SVOPL: variants seen among roughly 807,000 people sequenced by gnomAD.
SVOPL encodes putative transporter SVOPL.
A neutral mutation model predicts 61.0 loss-of-function variants in SVOPL; 60 were observed. That is an observed-to-expected ratio of 0.98 (90% CI 0.80 to 1.22). SVOPL has a LOEUF of 1.22. Among genes scored for constraint, SVOPL ranks in the 50% most tolerant of loss-of-function variants. The probability of loss-of-function intolerance (pLI) is 0.00; values close to 1 mark genes in which losing one functional copy is unlikely to be tolerated. For missense variants in SVOPL, 662 were observed against 643.9 expected (o/e 1.03, Z -0.30); for synonymous variants, 279 against 250.0 (o/e 1.12, Z -1.09).
At chr7:138,630,023 T>C (rs1584803351) in intron 10 of SVOPL, 26 bp downstream of exon 10, 2 of 1,592,650 alleles carry the variant, frequency 1.3e-6, no homozygotes, top group Non-Finnish European at 1.7e-6. Flanking sequence ...TATTTAAAAC[T>C]AGCTTTGAAA....
At chr7:138,687,461 C>T (rs1274951894) in intron 1 of SVOPL, among the ~76,000 whole-genome samples, 1 of 151,516 alleles carries the variant, frequency 6.6e-6, no homozygotes, top group Admixed American at 6.6e-5. Flanking sequence ...GTCTCAAACT[C>T]CTGACCTCAG....
intron 13 of SVOPL, among the ~76,000 whole-genome samples, chr7:138,622,499 G>T (rs1422262663): frequency 6.6e-6 from 1 of 151,538 alleles, no homozygotes; most frequent in East Asian, 1.9e-4. Flanking sequence ...CGGGCGGGGG[G>T]TCTCTCCAAG....
chr7:138,671,110 G>A (rs750217337), intron 4 of SVOPL, among the ~76,000 whole-genome samples: 4 of 152,066 alleles, frequency 2.6e-5, no homozygotes, highest in Non-Finnish European at 5.9e-5. Context: ...GTTTATATGT[G>A]TTTGGCCCAA....
At chr7:138,646,439 T>C (rs1354773461) in intron 8 of SVOPL, 1 of 180,056 alleles carries the variant, frequency 5.6e-6, no homozygotes, top group Non-Finnish European at 1.2e-5. Flanking sequence ...TTTCCCTTTG[T>C]GTAGGTCATT....
At chr7:138,680,803 C>T (rs1802685167) in intron 1 of SVOPL, among the ~76,000 whole-genome samples, 2 of 152,046 alleles carry the variant, frequency 1.3e-5, no homozygotes, top group African/African-American at 4.8e-5. Flanking sequence ...TGGTCTCGAT[C>T]TCCTGACCTT....
chr7:138,600,980 G>A (rs889569161), intron 14 of SVOPL, among the ~76,000 whole-genome samples: 31 of 152,178 alleles, frequency 2.0e-4, no homozygotes, highest in East Asian at 5.8e-4. Context: ...GGCCGGGCGC[G>A]GTGGCTCACA....
At position 138,644,716 on chromosome 7, in the gene SVOPL, C is replaced by G; in HGVS notation, c.789+1G>C. The G allele has an allele frequency of 6.2e-7, 1 of 1,614,000 alleles. No homozygotes were observed. The highest frequency in any genetic ancestry group is 8.5e-7 in the Non-Finnish European group (1 of 1,179,958). On this transcript the variant is annotated splice_donor_variant, in intron 9 of 15. Coordinates refer to ENST00000674285, the MANE Select transcript of SVOPL (RefSeq NM_001139456.2). LOFTEE classifies it high-confidence loss of function. ...AGAAGACCTCGGGGGCCAGCACTCA[C>G]CAGGACGGGCTCCACCAGCTTCCCC...
intron 14 of SVOPL, among the ~76,000 whole-genome samples, chr7:138,611,898 C>G (rs544830598): frequency 1.4e-4 from 4 of 29,406 alleles, no homozygotes; most frequent in African/African-American, 1.7e-4. Context: ...GGAGGTGTGC[C>G]CAACAGCTCA....
At chr7:138,624,099 C>T (rs189222121) in intron 13 of SVOPL, among the ~76,000 whole-genome samples, 3 of 152,282 alleles carry the variant, frequency 2.0e-5, no homozygotes, top group East Asian at 1.9e-4. Flanking sequence ...GGATTACAGG[C>T]GTGAGCCACT....
chr7:138,602,443 A>C lies in SVOPL; in HGVS notation c.1354-5913T>G, dbSNP rs566201119. On this transcript the variant is annotated intron_variant, in intron 14 of 15. Coordinates refer to ENST00000674285, the MANE Select transcript of SVOPL (RefSeq NM_001139456.2). ...TTATTAGTGAGAAAAGGCAGTTGCT[A>C]TATATATATATATATATATATATAT... is the stretch of plus-strand genomic sequence containing the variant. Among the ~76,000 whole-genome samples the C allele has an allele frequency of 4.8e-3, 20 of 4,206 alleles. No individual in the cohort carries two copies. The South Asian group carries it at 0.13, about 28-fold the overall frequency. The allele number at this position is 4,206 out of a possible 152,430, so 2.8% of individuals were successfully genotyped here. A position where few individuals can be genotyped will look rare whatever the true frequency, so the allele number is the denominator to read the frequency against.
In SVOPL at chr7:138,603,408, G is replaced by A. The variant is rs546075103; in HGVS notation, c.1354-6878C>T. 9.8e-5 allele frequency among the ~76,000 whole-genome samples: 15 copies of A among 152,336 alleles called. No homozygotes were observed. The South Asian group carries it at 3.1e-3, about 32-fold the overall frequency. On this transcript the variant is annotated intron_variant, in intron 14 of 15. Transcript: ENST00000674285. ...TTTAAGATCAGCTAAAGCAGGCCGG[G>A]TGCGGTGGCTCATGCCTGTAATCCC...
chr7:138,696,418 G>T (rs1032297680), intron 1 of SVOPL, among the ~76,000 whole-genome samples: 3 of 149,716 alleles, frequency 2.0e-5, no homozygotes, highest in Admixed American at 6.7e-5. Context: ...GTTGTTGTTT[G>T]TTGTTGTTGT....
chr7:138,678,493 C>G lies in SVOPL; in HGVS notation c.115G>C (p.Glu39Gln). 1 of 1,552,168 alleles carries G rather than the reference C, an allele frequency of 6.4e-7. No homozygotes were observed. The highest frequency in any genetic ancestry group is 8.7e-7 in the Non-Finnish European group (1 of 1,147,090). The stretch of plus-strand genomic sequence containing the variant: ...TGGAAACGCCCGAAGCCGATAGTCT[C>G]CACTGCATCTTCCACGGTGAACGTC... ...PKTFTVEDAV[E>Q]TIGFGRFHIA... Residue 39 changes from glutamate to glutamine, a missense_variant, in exon 3 of 16, where the codon GAG (glutamate) becomes CAG (glutamine). Coordinates refer to ENST00000674285, the MANE Select transcript of SVOPL (RefSeq NM_001139456.2).
intron 14 of SVOPL, among the ~76,000 whole-genome samples, chr7:138,611,603 T>C (rs892751327): frequency 3.8e-4 from 58 of 152,148 alleles, no homozygotes; most frequent in African/African-American, 7.7e-4. Context: ...TGATTTTTTT[T>C]CCCCATGCTT....
chr7:138,672,239 T>C (rs1487921194), intron 3 of SVOPL, 122 bp from the exon 4 acceptor site: 2 of 830,256 alleles, frequency 2.4e-6, no homozygotes, highest in Non-Finnish European at 1.9e-6. Context: ...TCAGGGAGGA[T>C]CTATTGTATA....
chr7:138,685,957 G>A (rs1238629581), intron 1 of SVOPL, among the ~76,000 whole-genome samples: 1 of 152,088 alleles, frequency 6.6e-6, no homozygotes, highest in Non-Finnish European at 1.5e-5. Flanking sequence ...GGTGGTGATG[G>A]TTTCACAGTG....
chr7:138,644,869 T>A (rs761731031), intron 8 of SVOPL, 24 bp from the exon 9 acceptor site: 6 of 1,613,984 alleles, frequency 3.7e-6, no homozygotes. Context: ...ACAAAGAACA[T>A]CAGAGTGGCC....
intron 1 of SVOPL, among the ~76,000 whole-genome samples, chr7:138,686,561 G>GT (rs1802820186): frequency 1.5e-5 from 2 of 131,266 alleles, no homozygotes; most frequent in African/African-American, 3.5e-5. Flanking sequence ...TTGTTTTTTG[G>GT]GTTTTTTTTT....
intron 9 of SVOPL, among the ~76,000 whole-genome samples, chr7:138,639,865 C>CAA (rs201138580): frequency 0.014 from 2,086 of 151,974 alleles, 31 homozygotes; most frequent in South Asian, 0.032. Context: ...CCTCCTGCCT[C>CAA]AACCTCTGAA....
Sources: allele counts gnomAD v4.1 joint callset (sites outside exome capture counted in the v4.1 genomes callset), GRCh38; gene constraint gnomAD v4.1.1; transcripts MANE v1.5; gene names NCBI Gene and HGNC (gene_info 2026-07-23, HGNC 2026-07-21).